PRRG3: variants seen among roughly 807,000 people sequenced by gnomAD.
PRRG3 encodes the protein proline rich and Gla domain 3.
In PRRG3, 21 loss-of-function variants were observed where a neutral mutation model predicts 15.8. The ratio of observed to expected loss-of-function variants is 1.33; its 90% CI spans 0.94 to 1.92. The LOEUF (loss-of-function observed/expected upper bound fraction) is 1.92, where lower values mean the gene tolerates loss of function less well. Among genes scored for constraint, PRRG3 ranks in the 40% most tolerant of loss-of-function variants. The pLI, the probability that PRRG3 is intolerant of heterozygous loss-of-function variation, is 0.00. For missense variants in PRRG3, 251 were observed against 200.2 expected, an observed-to-expected ratio of 1.25 and a Z score of -1.53; for synonymous variants, 125 against 84.1, an observed-to-expected ratio of 1.49 and a Z score of -2.66.
At chrX:151,698,742 T>C in intron 1 of PRRG3, 42 bp from the exon 2 acceptor site, 1 of 1,057,412 alleles carries the variant, frequency 9.5e-7, no homozygotes, top group Non-Finnish European at 1.3e-6. Flanking sequence ...TGTAAATTTC[T>C]AGATGTGGTT....
chrX:151,695,967 A>T (rs1416737742), intron 1 of PRRG3, among the ~76,000 whole-genome samples: 2 of 111,362 alleles, frequency 1.8e-5, no homozygotes, highest in Admixed American at 1.9e-4. Flanking sequence ...GGTGGTCACC[A>T]GGCTTCATGT....
chrX:151,697,569 C>T (rs1406171291), intron 1 of PRRG3, among the ~76,000 whole-genome samples: 1 of 111,733 alleles, frequency 8.9e-6, no homozygotes, highest in African/African-American at 3.3e-5. Flanking sequence ...TATACCACAT[C>T]GCAGGACAGA....
At chrX:151,698,721 A>G (rs2014809015) in intron 1 of PRRG3, 63 bp from the exon 2 acceptor site, 1 of 916,793 alleles carries the variant, frequency 1.1e-6, no homozygotes, top group Non-Finnish European at 1.6e-6. Context: ...CCCAGAGCCA[A>G]GAGTGTGCCC....
chrX:151,701,470 C>T lies in PRRG3; in HGVS notation c.*437C>T, dbSNP rs1273949587. 1 of 123,395 alleles carries T rather than the reference C, an allele frequency of 8.1e-6. No individual in the cohort carries two copies. Among genetic ancestry groups the T allele is most frequent in the East Asian group, 2.5e-4 (1 of 4,070 alleles). 10.2% of individuals were successfully genotyped at this position (123,395 alleles called of 1,213,427 possible). A position where few individuals can be genotyped will look rare whatever the true frequency, so the allele number is the denominator to read the frequency against. On this transcript the variant is annotated 3_prime_UTR_variant, in exon 4 of 4. Coordinates refer to ENST00000674457, the MANE Select transcript of PRRG3 (RefSeq NM_001372163.1). ...TAAGGGAAGGAAGCCAGCCTTTCAG[C>T]ACCCCTTACCCTCCACAGTTCTGTG... is the stretch of plus-strand genomic sequence containing the variant.
intron 1 of PRRG3, among the ~76,000 whole-genome samples, chrX:151,697,235 C>G (rs1261248367): frequency 9.2e-6 from 1 of 108,827 alleles, no homozygotes; most frequent in African/African-American, 3.4e-5. Context: ...TCTCAGCTCA[C>G]TTCAATCTCC....
rs774199603 is a variant in PRRG3, at chrX:151,705,841, T to A, written c.*4808T>A. Reference sequence around the variant, plus strand: ...TTCTCTCTCTCTCTCTTTCTTTTTATAATTGTTGAATTTGGCTGTTACATT... The same window carrying A: ...TTCTCTCTCTCTCTCTTTCTTTTTAAAATTGTTGAATTTGGCTGTTACATT... On this transcript the variant is annotated 3_prime_UTR_variant, in exon 4 of 4. Transcript: ENST00000674457. The A allele has an allele frequency of 8.8e-6, 1 of 113,316 alleles. No homozygotes were observed. Among genetic ancestry groups the A allele is most frequent in the East Asian group, 2.8e-4 (1 of 3,627 alleles). 9.3% of individuals were successfully genotyped at this position (113,316 alleles called of 1,213,427 possible).
intron 1 of PRRG3, among the ~76,000 whole-genome samples, chrX:151,697,152 C>G (rs1356502962): frequency 6.2e-5 from 6 of 96,655 alleles, no homozygotes; most frequent in African/African-American, 2.3e-4. Context: ...CTCTCCCTCT[C>G]TCCCTCTCTT....
intron 3 of PRRG3, 132 bp downstream of exon 3, chrX:151,700,288 A>G (rs183537400): frequency 1.0e-5 from 12 of 1,168,859 alleles, no homozygotes; most frequent in Non-Finnish European, 1.4e-5. Flanking sequence ...TAGGGCCATC[A>G]CGGAGCAGAT....
rs2014902930 is a variant in PRRG3 at position 151,702,505 on chromosome X, A to G, written c.*1472A>G. On this transcript the variant is annotated 3_prime_UTR_variant, in exon 4 of 4. Coordinates refer to ENST00000674457, the MANE Select transcript of PRRG3 (RefSeq NM_001372163.1). The stretch of plus-strand genomic sequence containing the variant: ...GCTGGGGTTTTCCATCCTTCCCCCT[A>G]CCTCACAGGCCCGTTGGAGGCTGAC... The G allele has an allele frequency of 9.0e-6, 1 of 111,228 alleles. No individual in the cohort carries two copies. Among genetic ancestry groups the G allele is most frequent in the South Asian group, 3.8e-4 (1 of 2,635 alleles). The allele number at this position is 111,228 out of a possible 1,213,427, so 9.2% of individuals were successfully genotyped here.
intron 1 of PRRG3, chrX:151,698,439 G>C (rs1391950882): frequency 7.0e-6 from 1 of 143,599 alleles, no homozygotes; most frequent in Non-Finnish European, 1.4e-5. Flanking sequence ...ATTCATTGAG[G>C]GGAGCAAGGA....
chrX:151,695,863 A>G (rs745862847), intron 1 of PRRG3, among the ~76,000 whole-genome samples: 1 of 110,136 alleles, frequency 9.1e-6, no homozygotes, highest in South Asian at 4.0e-4. Flanking sequence ...GATTTGGAGA[A>G]CCCTTTCCTG....
At position 151,701,181 on chromosome X, in the gene PRRG3, G is replaced by T; in HGVS notation, c.*148G>T. 1.9e-6 allele frequency: 1 copy of T among 520,690 alleles called. No individual in the cohort carries two copies. Among genetic ancestry groups the T allele is most frequent in the Non-Finnish European group, 2.8e-6 (1 of 362,058 alleles). 42.9% of individuals were successfully genotyped at this position (520,690 alleles called of 1,213,427 possible). Reference sequence around the variant, plus strand: ...CTAACTGTGGAGTTTTAGGAAGTCAGTTGTCAGAGACAGGTGGGGAGGGTG... The same window carrying T: ...CTAACTGTGGAGTTTTAGGAAGTCATTTGTCAGAGACAGGTGGGGAGGGTG... On this transcript the variant is annotated 3_prime_UTR_variant, in exon 4 of 4. Transcript: ENST00000674457.
rs746839699 is a variant in PRRG3 at position 151,700,743 on chromosome X, C to T, written c.406C>T (p.Arg136Trp). Residue 136 changes from arginine to tryptophan, a missense_variant, in exon 4 of 4, where the codon CGG (arginine) becomes TGG (tryptophan). Coordinates refer to ENST00000674457, the MANE Select transcript of PRRG3 (RefSeq NM_001372163.1). ...CACCCTCCCCCGGGTCATGGTGTAC[C>T]GGGGTACTGTGCATAGCCAAGGGGA... ...GHTLPRVMVY[R>W]GTVHSQGEPS... 1.1e-5 allele frequency: 13 copies of T among 1,206,044 alleles called. No individual in the cohort carries two copies. The highest frequency in any genetic ancestry group is 2.3e-4 in the Middle Eastern group (1 of 4,359).
intron 2 of PRRG3, 22 bp downstream of exon 2, chrX:151,698,843 C>A (rs1437747320): frequency 1.1e-5 from 13 of 1,188,606 alleles, no homozygotes; most frequent in African/African-American, 1.8e-5. Context: ...CAGGCCTGGG[C>A]AGAGCCGTGG....
intron 2 of PRRG3, among the ~76,000 whole-genome samples, chrX:151,699,496 C>T (rs57750045): frequency 0.014 from 1,594 of 112,098 alleles, 25 homozygotes; most frequent in African/African-American, 0.05. Flanking sequence ...CCTGGTGGCA[C>T]AGGTGGATGT....
In PRRG3 at chrX:151,700,661, G is replaced by A. The variant is rs1381212021; in HGVS notation, c.324G>A (p.Ala108=). 21 of 1,209,106 alleles carry A rather than the reference G, an allele frequency of 1.7e-5. No homozygotes were observed. Among genetic ancestry groups the A allele is most frequent in the Middle Eastern group, 2.3e-4 (1 of 4,352 alleles). Residue 108 remains alanine, a synonymous_variant, in exon 4 of 4, where the codon GCG becomes GCA. Transcript: ENST00000674457. ...FIIWRCQLQK[A]TRHHPSYAQN... ...TCTGGAGGTGCCAGCTGCAGAAAGC[G>A]ACCCGTCACCACCCCTCCTATGCTC... is the stretch of plus-strand genomic sequence containing the variant.
At position 151,700,747 on chromosome X, in the gene PRRG3, G is replaced by A. The variant is rs1187401684; in HGVS notation, c.410G>A (p.Gly137Asp). The A allele has an allele frequency of 1.7e-6, 2 of 1,205,656 alleles. No homozygotes were observed. Among genetic ancestry groups the A allele is most frequent in the African/African-American group, 3.5e-5 (2 of 56,800 alleles). The part of the protein sequence containing the change: ...HTLPRVMVYR[G>D]TVHSQGEPSG... ...CTCCCCCGGGTCATGGTGTACCGGG[G>A]TACTGTGCATAGCCAAGGGGAGCCT... Residue 137 changes from glycine (G) to aspartate (D), a missense_variant, in exon 4 of 4, where the codon GGT becomes GAT. Transcript: ENST00000674457.
In PRRG3 at chrX:151,701,106, G is replaced by C; in HGVS notation, c.*73G>C. 2.1e-6 allele frequency: 2 copies of C among 970,234 alleles called. No individual in the cohort carries two copies. Among genetic ancestry groups the C allele is most frequent in the Non-Finnish European group, 2.7e-6 (2 of 735,459 alleles). 80.0% of individuals were successfully genotyped at this position (970,234 alleles called of 1,213,427 possible). On this transcript the variant is annotated 3_prime_UTR_variant, in exon 4 of 4. Coordinates refer to ENST00000674457, the MANE Select transcript of PRRG3 (RefSeq NM_001372163.1). The stretch of plus-strand genomic sequence containing the variant: ...CCTATTTTCTTTTTAACTTTTTAAA[G>C]ACTGTGCCACCACAAAACAGCCTTA...
At position 151,700,543 on chromosome X, in the gene PRRG3, C is replaced by G; in HGVS notation, c.206C>G (p.Ser69Cys). ...AAAGGGTACCCAAATGCAGTCTACT[C>G]TGTCCGAGACCCCTCGCAGAGCTCA... ...FWKGYPNAVYSVRDPSQSSDA... is the reference protein window; with the variant it reads ...FWKGYPNAVYCVRDPSQSSDA... Residue 69 changes from serine (S) to cysteine (C), a missense_variant, in exon 4 of 4, where the codon TCT becomes TGT. By Grantham distance (112) the Ser-to-Cys change is moderately radical. Coordinates refer to ENST00000674457, the MANE Select transcript of PRRG3 (RefSeq NM_001372163.1). 2.5e-6 allele frequency: 3 copies of G among 1,202,105 alleles called. No homozygotes were observed. Among genetic ancestry groups the G allele is most frequent in the Non-Finnish European group, 3.4e-6 (3 of 889,079 alleles).
Sources: allele counts gnomAD v4.1 joint callset (sites outside exome capture counted in the v4.1 genomes callset), GRCh38; gene constraint gnomAD v4.1.1; transcripts MANE v1.5; gene names NCBI Gene and HGNC (gene_info 2026-07-23, HGNC 2026-07-21).